MMADHC: variants seen among roughly 807,000 people sequenced by gnomAD.
MMADHC encodes metabolism of cobalamin associated D.
MMADHC carries 23 observed loss-of-function variants against 36.3 expected under a neutral mutation model. The observed-to-expected ratio is 0.63, with a 90% CI of 0.46 to 0.90. MMADHC has a LOEUF of 0.90. MMADHC is among the 40% of genes least tolerant of loss of function. MMADHC has a pLI of 0.00. For synonymous variants in MMADHC, 97 were observed against 116.1 expected (o/e 0.84, Z 1.06); for missense variants, 330 against 348.0 (o/e 0.95, Z 0.41).
Position 149,582,164 on chromosome 2 carries a change from C to T in MMADHC, c.117G>A (p.Ser39=), listed in dbSNP as rs1448387303. ...GTGCAGCAGCCACATGAGACTCATC[C>T]GAACCTGATGATCCTGCAGTCGAAA... ...KAFSTAGSSG[S]DESHVAAAPP... The change falls in exon 3 of 8, where the codon TCG becomes TCA. Residue 39 remains serine (S), a synonymous_variant. Coordinates refer to ENST00000303319, the MANE Select transcript of MMADHC (RefSeq NM_015702.3). The T allele has an allele frequency of 7.4e-6, 12 of 1,613,908 alleles. No homozygotes were observed. The highest frequency in any genetic ancestry group is 2.2e-5 in the East Asian group (1 of 44,858).
In MMADHC at chr2:149,576,539, T is replaced by C. The variant is rs767705559; in HGVS notation, c.376A>G (p.Asn126Asp). 3 of 1,605,206 alleles carry C rather than the reference T, an allele frequency of 1.9e-6. No homozygotes were observed. The East Asian group carries it at 6.7e-5, about 36-fold the overall frequency. Residue 126 changes from asparagine to aspartate, a missense_variant, in exon 5 of 8, where the codon AAT becomes GAT. Coordinates refer to ENST00000303319, the MANE Select transcript of MMADHC (RefSeq NM_015702.3). Reference protein sequence around the residue: ...MAQYVNEFQGNDAPVEQEINS... With the variant: ...MAQYVNEFQGDDAPVEQEINS... ...ATTTCTTGTTCAACAGGTGCATCAT[T>C]ACCCTAAGGGGAACAAGGATATAAG... is the stretch of plus-strand genomic sequence containing the variant.
chr2:149,579,549 T>C lies in MMADHC; in HGVS notation c.254A>G (p.Asn85Ser), dbSNP rs767542742. The C allele has an allele frequency of 6.3e-5, 101 of 1,613,906 alleles. No individual in the cohort carries two copies. Among genetic ancestry groups the C allele is most frequent in the Middle Eastern group, 3.4e-4 (2 of 5,948 alleles). Residue 85 changes from asparagine to serine, a missense_variant, in exon 4 of 8, where the codon AAT becomes AGT. Asn to Ser is a conservative substitution (Grantham distance 46, BLOSUM62 1). Transcript: ENST00000303319. ...GCTTTTCTTCTGTGAAGCAGTCCCA[T>C]TGAGGTGACAATCAAAACCTATGTT... ...PGNIGFDCHLNGTASQKKSLV... is the reference protein window; with the variant it reads ...PGNIGFDCHLSGTASQKKSLV...
At chr2:149,571,032 A>T in intron 7 of MMADHC, 53 bp downstream of exon 7, 3 of 1,361,554 alleles carry the variant, frequency 2.2e-6, no homozygotes. Flanking sequence ...ACATTTTATA[A>T]TAAAAATCAT....
Position 149,576,561 on chromosome 2 carries a change from TA to T in MMADHC, c.373-20del. On this transcript the variant is annotated intron_variant, in intron 4 of 7. Coordinates refer to ENST00000303319, the MANE Select transcript of MMADHC (RefSeq NM_015702.3). ...CATTACCCTAAGGGGAACAAGGATA[TA>T]AGTCAACAAAATCTGGAGTTCAAAT... 6.6e-7 allele frequency: 1 copy of T among 1,513,152 alleles called. No homozygotes were observed. Among genetic ancestry groups the T allele is most frequent in the Non-Finnish European group, 9.2e-7 (1 of 1,088,244 alleles). 93.7% of individuals were successfully genotyped at this position (1,513,152 alleles called of 1,614,324 possible). A position where few individuals can be genotyped will look rare whatever the true frequency, so the allele number is the denominator to read the frequency against.
chr2:149,570,001 AT>A lies in MMADHC; in HGVS notation c.863del (p.His288LeufsTer3). 3 of 1,613,626 alleles carry A rather than the reference AT, an allele frequency of 1.9e-6. No individual in the cohort carries two copies. Among genetic ancestry groups the A allele is most frequent in the Non-Finnish European group, 2.5e-6 (3 of 1,179,610 alleles). The stretch of plus-strand genomic sequence containing the variant: ...AATTTCCACTTAATTTCTTCATAAT[AT>A]GGCTGTCTGGTGTTGCATTAGTGAA... The part of the protein sequence containing the change: ...SIFTNATPDS[H>X]IMKKLSGN On this transcript the variant is annotated frameshift_variant, in exon 8 of 8. Coordinates refer to ENST00000303319, the MANE Select transcript of MMADHC (RefSeq NM_015702.3). LOFTEE classifies it high-confidence loss of function.
intron 4 of MMADHC, among the ~76,000 whole-genome samples, chr2:149,578,073 T>TTA (rs2105047214): frequency 6.6e-6 from 1 of 152,102 alleles, no homozygotes; most frequent in East Asian, 1.9e-4. Flanking sequence ...CTTAGAAAGG[T>TTA]TAAGTAATTT....
chr2:149,570,643 T>C (rs1682625253), intron 7 of MMADHC, among the ~76,000 whole-genome samples: 1 of 152,224 alleles, frequency 6.6e-6, no homozygotes, highest in Non-Finnish European at 1.5e-5. Context: ...AGTTCAGTTA[T>C]TTCTTCAAAG....
chr2:149,571,790 G>A (rs149665739), intron 6 of MMADHC, among the ~76,000 whole-genome samples: 54 of 142,004 alleles, frequency 3.8e-4, no homozygotes, highest in South Asian at 6.5e-4. Context: ...AAAAAAAAAA[G>A]AAAAAAAAAA....
chr2:149,571,137 A>G lies in MMADHC; in HGVS notation c.644T>C (p.Leu215Pro), dbSNP rs1404632518. Residue 215 changes from leucine (L) to proline (P), a missense_variant, in exon 7 of 8, where the codon CTT becomes CCT. Leu to Pro is a moderately conservative substitution (Grantham distance 98). Coordinates refer to ENST00000303319, the MANE Select transcript of MMADHC (RefSeq NM_015702.3). ...GTCAGCCCAATAACCCTCAGCTCGAAGAGCATAGCAAATTTCCTTAGCACC... is the reference window on the plus strand; with the variant it reads ...GTCAGCCCAATAACCCTCAGCTCGAGGAGCATAGCAAATTTCCTTAGCACC... ...INGAKEICYA[L>P]RAEGYWADFI... is the part of the protein sequence containing the mutation. 1 of 1,612,376 alleles carries G rather than the reference A, an allele frequency of 6.2e-7. No individual in the cohort carries two copies. Among genetic ancestry groups the G allele is most frequent in the Admixed American group, 1.7e-5 (1 of 59,984 alleles).
intron 2 of MMADHC, among the ~76,000 whole-genome samples, chr2:149,586,358 G>C (rs996842612): frequency 1.3e-5 from 2 of 152,124 alleles, no homozygotes; most frequent in African/African-American, 4.8e-5. Context: ...GTTTTTCAAA[G>C]GGGTAGGCGG....
intron 4 of MMADHC, among the ~76,000 whole-genome samples, chr2:149,578,839 G>A (rs539746624): frequency 2.0e-5 from 3 of 151,592 alleles, no homozygotes; most frequent in African/African-American, 7.3e-5. Context: ...ACCATCAGGG[G>A]TTTGACAGAA....
intron 5 of MMADHC, 40 bp from the exon 6 acceptor site, chr2:149,575,881 G>T (rs1357368062): frequency 2.0e-6 from 3 of 1,483,756 alleles, no homozygotes; most frequent in South Asian, 2.4e-5. Flanking sequence ...AAAAGAATTT[G>T]ATTTTTAAAG....
intron 2 of MMADHC, among the ~76,000 whole-genome samples, chr2:149,585,175 T>C (rs1220530123): frequency 6.6e-6 from 1 of 152,148 alleles, no homozygotes; most frequent in Non-Finnish European, 1.5e-5. Context: ...TTAAAAATAA[T>C]AGCCAAAAAG....
chr2:149,583,177 TAAA>T (rs1319420995), intron 2 of MMADHC, among the ~76,000 whole-genome samples: 1 of 152,104 alleles, frequency 6.6e-6, no homozygotes, highest in Non-Finnish European at 1.5e-5. Flanking sequence ...GAAAAAGATG[TAAA>T]AACAAATATC....
chr2:149,585,601 G>A (rs1682855102), intron 2 of MMADHC, among the ~76,000 whole-genome samples: 1 of 152,202 alleles, frequency 6.6e-6, no homozygotes, highest in Non-Finnish European at 1.5e-5. Context: ...AATGGCATTA[G>A]TTAGCAACAA....
At position 149,569,754 on chromosome 2, in the gene MMADHC, A is replaced by T; in HGVS notation, c.*220T>A. 2.0e-6 allele frequency: 1 copy of T among 494,932 alleles called. No individual in the cohort carries two copies. The highest frequency in any genetic ancestry group is 2.5e-5 in the South Asian group (1 of 39,606). The allele number at this position is 494,932 out of a possible 1,614,324, so 30.7% of individuals were successfully genotyped here. On this transcript the variant is annotated 3_prime_UTR_variant, in exon 8 of 8. Coordinates refer to ENST00000303319, the MANE Select transcript of MMADHC (RefSeq NM_015702.3). The stretch of plus-strand genomic sequence containing the variant: ...ACCCTGGTTACAAGCTAATTACCAC[A>T]TCCTATACAATGTGGATGTGTTCAA...
intron 6 of MMADHC, among the ~76,000 whole-genome samples, chr2:149,573,216 C>T (rs1387760694): frequency 2.0e-5 from 3 of 152,114 alleles, no homozygotes; most frequent in African/African-American, 4.8e-5. Flanking sequence ...ACCGCCTAAT[C>T]GAACTGAATT....
Position 149,575,777 on chromosome 2 carries a change from T to G in MMADHC, c.543A>C (p.Lys181Asn). 6.2e-7 allele frequency: 1 copy of G among 1,610,012 alleles called. No homozygotes were observed. Among genetic ancestry groups the G allele is most frequent in the South Asian group, 1.1e-5 (1 of 90,682 alleles). ...TCCAAACAGTCATATCATTCTTAGTTTTTTGTGTTACAGTCAGAATCATTA... is the reference window on the plus strand; with the variant it reads ...TCCAAACAGTCATATCATTCTTAGTGTTTTGTGTTACAGTCAGAATCATTA... ...GKLMILTVTQ[K>N]TKNDMTVWSE... The change falls in exon 6 of 8, where the codon AAA becomes AAC. Residue 181 changes from lysine (K) to asparagine (N), a missense_variant. Coordinates refer to ENST00000303319, the MANE Select transcript of MMADHC (RefSeq NM_015702.3).
At chr2:149,587,023 G>T in intron 2 of MMADHC, 66 bp downstream of exon 2, 1 of 1,514,830 alleles carries the variant, frequency 6.6e-7, no homozygotes, top group Non-Finnish European at 9.2e-7. Flanking sequence ...AATTAAACCC[G>T]TTCTTTCATT....
Sources: gnomAD v4.1 joint callset for allele counts (sites outside exome capture counted in the v4.1 genomes callset) on GRCh38, gnomAD v4.1.1 for gene constraint, MANE v1.5 for transcripts, NCBI Gene and HGNC (gene_info 2026-07-23, HGNC 2026-07-21) for gene names.